Variants in HIVEP3 observed in about 807,000 individuals in gnomAD.
HIVEP3 encodes HIVEP zinc finger 3, also known as transcription factor HIVEP3.
A neutral mutation model predicts 152.8 loss-of-function variants in HIVEP3; 49 were observed. The ratio of observed to expected loss-of-function variants is 0.32; its 90% CI spans 0.26 to 0.41. The LOEUF (loss-of-function observed/expected upper bound fraction) is 0.41, where lower values mean the gene tolerates loss of function less well. HIVEP3 is among the 10% of genes least tolerant of loss of function. The pLI, the probability that HIVEP3 is intolerant of heterozygous loss-of-function variation, is 1.00. For synonymous variants in HIVEP3, 1,269 were observed against 1,289.0 expected (o/e 0.98, Z 0.33); for missense variants, 2,790 against 3,103.3 (o/e 0.90, Z 2.40).
At chr1:41,609,004 A>T (rs1326825302) in intron 3 of HIVEP3, among the ~76,000 whole-genome samples, 1 of 151,900 alleles carries the variant, frequency 6.6e-6, no homozygotes, top group Non-Finnish European at 1.5e-5. Flanking sequence ...GAATCCCTTG[A>T]ACCTAGGAGG....
chr1:41,864,115 C>G (rs1383806523), intron 1 of HIVEP3, among the ~76,000 whole-genome samples: 1 of 152,182 alleles, frequency 6.6e-6, no homozygotes, highest in African/African-American at 2.4e-5. Context: ...CCTACAGACT[C>G]TCTAAATTCT....
At chr1:41,804,628 T>C (rs1003457046) in intron 1 of HIVEP3, among the ~76,000 whole-genome samples, 1 of 152,228 alleles carries the variant, frequency 6.6e-6, no homozygotes, top group African/African-American at 2.4e-5. Context: ...CCTTAGATTA[T>C]CAAATCATTC....
At chr1:41,655,549 C>T (rs917720231) in intron 2 of HIVEP3, among the ~76,000 whole-genome samples, 1 of 135,264 alleles carries the variant, frequency 7.4e-6, no homozygotes, top group Non-Finnish European at 1.5e-5. Flanking sequence ...TGCCATTGCA[C>T]TCCAGCCTGA....
intron 2 of HIVEP3, among the ~76,000 whole-genome samples, chr1:41,697,029 T>A (rs908664681): frequency 6.6e-6 from 1 of 152,162 alleles, no homozygotes; most frequent in Non-Finnish European, 1.5e-5. Flanking sequence ...GTATTAAAGA[T>A]CAACATTCTC....
rs576133161 is a variant in HIVEP3, at chr1:42,022,154, T to A, written n.119+13653A>T. The stretch of plus-strand genomic sequence containing the variant: ...CTGGCTTAATTACTTTACTTACGGA[T>A]ACATTTATCATAACTAGTTAGGCTT... On this transcript the variant is annotated intron_variant and non_coding_transcript_variant, in intron 1 of 3. Coordinates refer to the HIVEP3 transcript ENST00000489103. 1.1e-4 allele frequency among the ~76,000 whole-genome samples: 17 copies of A among 152,362 alleles called. No individual in the cohort carries two copies. In the South Asian group the frequency reaches 3.5e-3, roughly 32 times the overall value.
chr1:41,730,381 C>T (rs1469866816), intron 1 of HIVEP3, among the ~76,000 whole-genome samples: 1 of 152,162 alleles, frequency 6.6e-6, no homozygotes, highest in African/African-American at 2.4e-5. Flanking sequence ...AGTTTGCTGC[C>T]CTCTTTGACC....
chr1:41,943,719 T>A (rs1645059462), intron 1 of HIVEP3, among the ~76,000 whole-genome samples: 1 of 152,246 alleles, frequency 6.6e-6, no homozygotes, highest in South Asian at 2.1e-4. Flanking sequence ...CATAAATTAG[T>A]ACGGTTATGG....
chr1:41,737,769 G>A (rs1348919167), intron 1 of HIVEP3, among the ~76,000 whole-genome samples: 2 of 152,162 alleles, frequency 1.3e-5, no homozygotes, highest in Non-Finnish European at 2.9e-5. Flanking sequence ...CAAGGCCTTG[G>A]TGATGATGAG....
intron 1 of HIVEP3, among the ~76,000 whole-genome samples, chr1:41,737,995 G>A (rs1646943524): frequency 6.6e-6 from 1 of 152,204 alleles, no homozygotes; most frequent in South Asian, 2.1e-4. Flanking sequence ...GAAGGATATG[G>A]ATCCATGCCA....
At chr1:41,984,188 G>T (rs553673486) in intron 1 of HIVEP3, among the ~76,000 whole-genome samples, 1 of 152,288 alleles carries the variant, frequency 6.6e-6, no homozygotes, top group South Asian at 2.1e-4. Flanking sequence ...GCCCAGGCTG[G>T]TCTTGAATTC....
chr1:41,640,788 G>T (rs112080468), intron 2 of HIVEP3, among the ~76,000 whole-genome samples: 32 of 152,272 alleles, frequency 2.1e-4, no homozygotes, highest in African/African-American at 7.7e-4. Flanking sequence ...CTAATGCTAC[G>T]GTCAGGCTCC....
intron 1 of HIVEP3, among the ~76,000 whole-genome samples, chr1:42,009,750 T>C (rs1645482515): frequency 6.6e-6 from 1 of 152,214 alleles, no homozygotes; most frequent in Non-Finnish European, 1.5e-5. Flanking sequence ...TTCCTTTAGC[T>C]CAGAGAAAAA....
At chr1:41,808,218 G>T (rs563105809) in intron 1 of HIVEP3, among the ~76,000 whole-genome samples, 3 of 152,358 alleles carry the variant, frequency 2.0e-5, no homozygotes, top group Admixed American at 1.3e-4. Flanking sequence ...TACAAGGGGT[G>T]GGGCTGGACT....
intron 1 of HIVEP3, among the ~76,000 whole-genome samples, chr1:41,866,230 C>T (rs188518826): frequency 7.2e-5 from 11 of 152,356 alleles, no homozygotes; most frequent in Admixed American, 7.2e-4. Flanking sequence ...GGGTCAGGCT[C>T]TAGCCCCTTT....
chr1:42,016,970 A>G (rs2124532916), intron 1 of HIVEP3, among the ~76,000 whole-genome samples: 1 of 152,292 alleles, frequency 6.6e-6, no homozygotes, highest in East Asian at 1.9e-4. Flanking sequence ...TCCTCCAAAA[A>G]TGCTGTAGAA....
chr1:41,869,314 G>T (rs1644037023), intron 1 of HIVEP3, among the ~76,000 whole-genome samples: 1 of 152,180 alleles, frequency 6.6e-6, no homozygotes, highest in African/African-American at 2.4e-5. Flanking sequence ...CACCTGCCCT[G>T]GATATCAACT....
intron 1 of HIVEP3, among the ~76,000 whole-genome samples, chr1:41,996,155 G>A (rs1212501421): frequency 1.3e-5 from 2 of 152,024 alleles, no homozygotes; most frequent in Non-Finnish European, 2.9e-5. Flanking sequence ...GCAATCAGGA[G>A]GCTGAGGTGA....
rs1643670547 is a variant in HIVEP3 at position 41,544,877 on chromosome 1, TACC to T, written c.5208-19970_5208-19968del. ...CCACCACCACCACCACCACCACCAC[TACC>T]ACCTCTACCACCACCATCACCACCA... On this transcript the variant is annotated intron_variant, in intron 5 of 8. Coordinates refer to ENST00000372583, the MANE Select transcript of HIVEP3 (RefSeq NM_024503.5). Among the ~76,000 whole-genome samples the T allele has an allele frequency of 2.2e-3, 9 of 4,034 alleles. 1 individual carries two copies. Among genetic ancestry groups the T allele is most frequent in the Admixed American group, 9.0e-3 (4 of 446 alleles). The allele number at this position is 4,034 out of a possible 152,430, so 2.6% of individuals were successfully genotyped here.
intron 1 of HIVEP3, among the ~76,000 whole-genome samples, chr1:41,987,795 A>G (rs181007988): frequency 6.6e-6 from 1 of 152,346 alleles, no homozygotes; most frequent in East Asian, 1.9e-4. Context: ...TCAGTTCTGC[A>G]TGGCTGGGGA....
Sources: allele counts gnomAD v4.1 joint callset (sites outside exome capture counted in the v4.1 genomes callset), GRCh38; gene constraint gnomAD v4.1.1; transcripts MANE v1.5; gene names NCBI Gene and HGNC (gene_info 2026-07-23, HGNC 2026-07-21).